RFX1: variants seen among roughly 807,000 people sequenced by gnomAD.
The protein encoded by RFX1 is MHC class II regulatory factor RFX1.
Under a neutral mutation model 119.6 loss-of-function variants are expected in RFX1, and 42 were observed. The ratio of observed to expected loss-of-function variants is 0.35; its 90% CI spans 0.27 to 0.45. The LOEUF (loss-of-function observed/expected upper bound fraction) is 0.45. RFX1 is among the 20% of genes least tolerant of loss of function. The pLI is 1.00. For synonymous variants in RFX1, 628 were observed against 618.5 expected (o/e 1.02, Z -0.23); for missense variants, 1,118 against 1,368.1 (o/e 0.82, Z 2.88).
chr19:13,986,965 C>T lies in RFX1; in HGVS notation c.320-3370G>A, dbSNP rs1023173825. Among the ~76,000 whole-genome samples the T allele has an allele frequency of 6.6e-6, 1 of 152,170 alleles. No individual in the cohort carries two copies. The highest frequency in any genetic ancestry group is 1.5e-5 in the Non-Finnish European group (1 of 68,012). ...TGTCAGTCAGGGGCTCCTGGAGGGGCCCCTGCTGCCCCCAGTGTCCTCTAT... is the reference window on the plus strand; with the variant it reads ...TGTCAGTCAGGGGCTCCTGGAGGGGTCCCTGCTGCCCCCAGTGTCCTCTAT... On this transcript the variant is annotated intron_variant, in intron 2 of 20. Coordinates refer to ENST00000254325, the MANE Select transcript of RFX1 (RefSeq NM_002918.5). The surrounding 1 kb of genome is among the most constrained non-coding windows in gnomAD (Gnocchi z 4.2).
intron 16 of RFX1, among the ~76,000 whole-genome samples, chr19:13,964,235 T>C (rs1302043283): frequency 6.6e-6 from 1 of 152,206 alleles, no homozygotes; most frequent in Non-Finnish European, 1.5e-5. Context: ...CAGGGCACAA[T>C]ATTCTTTGAA....
At chr19:13,999,914 G>A (rs1975157956) in intron 1 of RFX1, among the ~76,000 whole-genome samples, 2 of 152,116 alleles carry the variant, frequency 1.3e-5, no homozygotes, top group Admixed American at 1.3e-4. Context: ...GACCTCAGGT[G>A]ATCCTCCCAC....
In RFX1 at chr19:13,983,249, C is replaced by T. The variant is rs369384498; in HGVS notation, c.451G>A (p.Val151Met). ...TQQRLLVQTS[V>M]QAKPGHVSPL... ...GACACGTGGCCTGGCTTGGCCTGCA[C>T]GCTCGTCTGGACCAGCAGCCGCTGT... Residue 151 changes from valine (V) to methionine (M), a missense_variant, in exon 4 of 21, where the codon GTG becomes ATG. This residue lies in a region of RFX1 where 542 missense variants were observed against 602.7 expected (regional missense o/e 0.90). Coordinates refer to ENST00000254325, the MANE Select transcript of RFX1 (RefSeq NM_002918.5). The T allele has an allele frequency of 2.8e-5, 44 of 1,568,386 alleles. No individual in the cohort carries two copies. In the African/African-American group the frequency reaches 3.4e-4, roughly 12 times the overall value.
At position 13,990,543 on chromosome 19, in the gene RFX1, C is replaced by T. The variant is rs1974766611; in HGVS notation, c.319+2982G>A. On this transcript the variant is annotated intron_variant, in intron 2 of 20. Transcript: ENST00000254325. This position sits in a 1 kb window ranked among gnomAD's most constrained non-coding sequence, Gnocchi z 4.1. ...AAAAAAATTAAAAGATTAGGCCGGG[C>T]GCGGTGGCTCACGCCTGTAATCCCA... Among the ~76,000 whole-genome samples, 1 of 151,802 alleles carries T rather than the reference C, an allele frequency of 6.6e-6. No individual in the cohort carries two copies. The highest frequency in any genetic ancestry group is 2.4e-5 in the African/African-American group (1 of 41,320).
chr19:13,966,384 C>T lies in RFX1; in HGVS notation c.1961+37G>A. ...ATCACCTGCGGGTCATGCCCTCCTC[C>T]CCCCTCTCCCTCCCACAGTCGCCGG... On this transcript the variant is annotated intron_variant, in intron 14 of 20. Coordinates refer to ENST00000254325, the MANE Select transcript of RFX1 (RefSeq NM_002918.5). This position sits in a 1 kb window ranked among gnomAD's most constrained non-coding sequence, Gnocchi z 6.3. 2.9e-6 allele frequency: 4 copies of T among 1,384,550 alleles called. No individual in the cohort carries two copies. The highest frequency in any genetic ancestry group is 4.1e-6 in the Non-Finnish European group (4 of 973,018). The allele number at this position is 1,384,550 out of a possible 1,614,324, so 85.8% of individuals were successfully genotyped here.
chr19:13,994,045 C>T lies in RFX1; in HGVS notation c.-52-150G>A, dbSNP rs1974903781. ...TTCATCACTAACTTAATTAAATCCC[C>T]AGGCTGGTGGCCAGAAATATCCAAC... On this transcript the variant is annotated intron_variant, in intron 1 of 20. Transcript: ENST00000254325. 5 of 576,652 alleles carry T rather than the reference C, an allele frequency of 8.7e-6. No homozygotes were observed. The East Asian group carries it at 1.6e-4, about 18-fold the overall frequency. 35.7% of individuals were successfully genotyped at this position (576,652 alleles called of 1,614,324 possible). A position where few individuals can be genotyped will look rare whatever the true frequency, so the allele number is the denominator to read the frequency against.
intron 1 of RFX1, among the ~76,000 whole-genome samples, chr19:13,996,107 T>A (rs528573808): frequency 1.3e-5 from 2 of 152,256 alleles, no homozygotes; most frequent in Admixed American, 6.5e-5. Context: ...TCCCAGGTGC[T>A]GGGCTGGGCA....
rs765546698 is a variant in RFX1, at chr19:13,979,433, G to T, written c.834+14C>A. ...AGCCCCTTTGCCCGTGGGGTAGGAGGGGGAGACACACACCTCTTGAGCCAC... is the reference window on the plus strand; with the variant it reads ...AGCCCCTTTGCCCGTGGGGTAGGAGTGGGAGACACACACCTCTTGAGCCAC... On this transcript the variant is annotated intron_variant, in intron 7 of 20. Transcript: ENST00000254325. 4.5e-6 allele frequency: 7 copies of T among 1,547,910 alleles called. No homozygotes were observed. Among genetic ancestry groups the T allele is most frequent in the Admixed American group, 1.8e-5 (1 of 55,198 alleles).
rs555558535 is a variant in RFX1, at chr19:13,980,545, C to T, written c.738+28G>A. Reference sequence around the variant, plus strand: ...GGCTGCCTGGCCGGTACCCCTGGACCGAGCCACTGCCCGCCTTGGCCTGGC... The same window carrying T: ...GGCTGCCTGGCCGGTACCCCTGGACTGAGCCACTGCCCGCCTTGGCCTGGC... On this transcript the variant is annotated intron_variant, in intron 6 of 20. Transcript: ENST00000254325. This position sits in a 1 kb window ranked among gnomAD's most constrained non-coding sequence, Gnocchi z 5.1. 2.2e-5 allele frequency: 32 copies of T among 1,444,786 alleles called. No homozygotes were observed. Among genetic ancestry groups the T allele is most frequent in the East Asian group, 7.3e-5 (3 of 41,208 alleles). The allele number at this position is 1,444,786 out of a possible 1,614,324, so 89.5% of individuals were successfully genotyped here.
rs1279550191 is a variant in RFX1, at chr19:13,980,940, G to A, written c.622-251C>T. On this transcript the variant is annotated intron_variant, in intron 5 of 20. Transcript: ENST00000254325. This position sits in a 1 kb window ranked among gnomAD's most constrained non-coding sequence, Gnocchi z 5.1. ...CCCCAGCAAGGTTGGCTGATGGTGG[G>A]TGGTGCCGCCAGCACCCCTGAAGCT... 6.6e-6 allele frequency among the ~76,000 whole-genome samples: 1 copy of A among 152,238 alleles called. No homozygotes were observed. The highest frequency in any genetic ancestry group is 1.9e-4 in the East Asian group (1 of 5,192).
chr19:14,003,069 A>G (rs946918465), intron 1 of RFX1, among the ~76,000 whole-genome samples: 8 of 152,336 alleles, frequency 5.3e-5, no homozygotes, highest in Admixed American at 2.0e-4. Context: ...TGCAACTTCC[A>G]TCTCCACGGT....
At chr19:13,996,132 C>T (rs2145630606) in intron 1 of RFX1, among the ~76,000 whole-genome samples, 1 of 152,318 alleles carries the variant, frequency 6.6e-6, no homozygotes, top group Non-Finnish European at 1.5e-5. Flanking sequence ...CTCCCTCCGG[C>T]TCAGCCCCAC....
intron 2 of RFX1, among the ~76,000 whole-genome samples, chr19:13,984,413 G>A (rs750408194): frequency 3.9e-5 from 6 of 152,290 alleles, no homozygotes; most frequent in Admixed American, 6.5e-5. Flanking sequence ...CCAGCAAAGC[G>A]GGGCCTTCGC....
intron 1 of RFX1, among the ~76,000 whole-genome samples, chr19:13,996,994 G>A (rs145469129): frequency 9.2e-5 from 14 of 152,252 alleles, no homozygotes; most frequent in African/African-American, 3.1e-4. Flanking sequence ...AAAGTGCTAG[G>A]ATTACAGGCG....
intron 2 of RFX1, among the ~76,000 whole-genome samples, chr19:13,987,900 A>T (rs1974658680): frequency 6.6e-6 from 1 of 152,126 alleles, no homozygotes; most frequent in South Asian, 2.1e-4. Context: ...CCCTCCTGGG[A>T]ACACTACCAA....
At chr19:13,974,031 C>T (rs576011325) in intron 8 of RFX1, among the ~76,000 whole-genome samples, 4 of 152,196 alleles carry the variant, frequency 2.6e-5, no homozygotes, top group African/African-American at 4.8e-5. Flanking sequence ...GCAAGTACTT[C>T]GAGTGCCTAC....
In RFX1 at chr19:13,980,032, C is replaced by T. The variant is rs959168812; in HGVS notation, c.739-490G>A. ...CCAGGCGGGGGAGTATCTGTGAAAC[C>T]TCTGGGACAGGGTTTCTGTTTACAC... On this transcript the variant is annotated intron_variant, in intron 6 of 20. Coordinates refer to ENST00000254325, the MANE Select transcript of RFX1 (RefSeq NM_002918.5). This position sits in a 1 kb window ranked among gnomAD's most constrained non-coding sequence, Gnocchi z 5.1. 6.6e-6 allele frequency among the ~76,000 whole-genome samples: 1 copy of T among 152,134 alleles called. No homozygotes were observed. Among genetic ancestry groups the T allele is most frequent in the South Asian group, 2.1e-4 (1 of 4,834 alleles).
At chr19:13,962,972 G>A in intron 20 of RFX1, 22 bp downstream of exon 20, 1 of 1,549,742 alleles carries the variant, frequency 6.5e-7, no homozygotes, top group Non-Finnish European at 8.7e-7. Flanking sequence ...CCGCGCCCTG[G>A]GTGGGAACAC....
At position 14,001,511 on chromosome 19, in the gene RFX1, G is replaced by A. The variant is rs142287328; in HGVS notation, c.-53+4592C>T. Among the ~76,000 whole-genome samples the A allele has an allele frequency of 6.7e-3, 1,024 of 152,306 alleles. 11 individuals are homozygous for A. The highest frequency in any genetic ancestry group is 0.023 in the African/African-American group (953 of 41,558). On this transcript the variant is annotated intron_variant, in intron 1 of 20. Coordinates refer to ENST00000254325, the MANE Select transcript of RFX1 (RefSeq NM_002918.5). ...AGATGGGGTCTCGCTATGTTGCCCA[G>A]GCTGGTCTCAAACTCCTGGGCTTAA...
Sources: gnomAD v4.1 joint callset for allele counts (sites outside exome capture counted in the v4.1 genomes callset) on GRCh38, gnomAD v4.1.1 for gene constraint, gnomAD v4.1.1 regional missense constraint, Gnocchi (gnomAD v3.1) non-coding constraint, MANE v1.5 for transcripts, NCBI Gene and HGNC (gene_info 2026-07-23, HGNC 2026-07-21) for gene names.